Variants in FAAP20 observed in about 807,000 individuals in gnomAD.
FAAP20 encodes FA core complex associated protein 20, also known as Fanconi anemia core complex-associated protein 20.
A neutral mutation model predicts 16.2 loss-of-function variants in FAAP20; 12 were observed. That is an observed-to-expected ratio of 0.74 (90% CI 0.48 to 1.20). The LOEUF (loss-of-function observed/expected upper bound fraction) is 1.20. Among genes scored for constraint, FAAP20 ranks in the 50% most tolerant of loss-of-function variants. The probability of loss-of-function intolerance (pLI) is 0.00; values close to 1 mark genes in which losing one functional copy is unlikely to be tolerated. For missense variants in FAAP20, 288 were observed against 245.8 expected, an observed-to-expected ratio of 1.17 and a Z score of -1.15; for synonymous variants, 141 against 110.7, an observed-to-expected ratio of 1.27 and a Z score of -1.72.
upstream of FAAP20, chr1:2,198,402 G>C (rs752303783): frequency 8.8e-5 from 33 of 373,244 alleles, no homozygotes; most frequent in Non-Finnish European, 1.5e-4. Flanking sequence ...TCAGGCCCCA[G>C]CCCACTGAGC....
chr1:2,212,675 TAAGTTCCA>T, upstream of FAAP20: 1 of 285,202 alleles, frequency 3.5e-6, no homozygotes, highest in Non-Finnish European at 6.9e-6. Context: ...CAAAAGGGTG[TAAGTTCCA>T]AGAACGCGAG....
chr1:2,186,496 G>GC (rs59105760), downstream of FAAP20, among the ~76,000 whole-genome samples: 37,226 of 110,604 alleles, frequency 0.34, 6,016 homozygotes, highest in Admixed American at 0.36. Flanking sequence ...CTGGACACCC[G>GC]CCCCCCCCCG....
At position 2,194,013 on chromosome 1, in the gene FAAP20, G is replaced by C; in HGVS notation, c.183C>G (p.Pro61=). ...LILDHEVPSL[P]AFPGQEPRCG... is the part of the protein sequence containing the mutation. The stretch of plus-strand genomic sequence containing the variant: ...GTGGGCACACCTGTCCTGGGAAGGC[G>C]GGCAGTGAAGGCACCTCGTGATCCA... The change falls in exon 2 of 4, where the codon CCC becomes CCG. Residue 61 remains proline, a synonymous_variant. Transcript: ENST00000378546. The C allele has an allele frequency of 6.2e-7, 1 of 1,612,794 alleles. No homozygotes were observed.
upstream of FAAP20, among the ~76,000 whole-genome samples, chr1:2,197,718 T>C (rs1190756296): frequency 3.9e-5 from 6 of 152,234 alleles, no homozygotes; most frequent in African/African-American, 1.4e-4. Context: ...CCCTCCAGTT[T>C]ATCTGCTGCT....
downstream of FAAP20, chr1:2,186,048 G>C: frequency 2.2e-6 from 1 of 453,070 alleles, no homozygotes; most frequent in Non-Finnish European, 4.4e-6. Flanking sequence ...GCTTCCTAGA[G>C]GCAGGGCTGC....
chr1:2,190,688 G>C, intron 3 of FAAP20: 1 of 330,090 alleles, frequency 3.0e-6, no homozygotes, highest in Non-Finnish European at 6.1e-6. Flanking sequence ...CTTGGGCCTA[G>C]ATCTTGCTGG....
downstream of FAAP20, chr1:2,186,068 G>C: frequency 2.2e-6 from 1 of 454,206 alleles, no homozygotes; most frequent in South Asian, 1.6e-5. Flanking sequence ...CCAGCTGCCA[G>C]GTGTCAGGTG....
downstream of FAAP20, among the ~76,000 whole-genome samples, chr1:2,209,689 G>T (rs908780557): frequency 6.6e-6 from 1 of 152,216 alleles, no homozygotes; most frequent in Non-Finnish European, 1.5e-5. Flanking sequence ...AAGTTCAGGG[G>T]GGCTGCTTGG....
chr1:2,193,782 C>A lies in FAAP20; in HGVS notation c.327G>T (p.Gly109=). The A allele has an allele frequency of 6.3e-7, 1 of 1,595,252 alleles. No homozygotes were observed. Among genetic ancestry groups the A allele is most frequent in the Non-Finnish European group, 8.5e-7 (1 of 1,174,738 alleles). ...GGGACCTGGCGGGGGATTCCAGGTG[C>A]CCTCCTGCCCCGTGAAGCAGCCGGT... The part of the protein sequence containing the change: ...RSYRLLHGAG[G]HLESPARSLP... Residue 109 remains glycine (G), a synonymous_variant, in exon 3 of 4, where the codon GGG becomes GGT. Transcript: ENST00000378546.
chr1:2,191,861 C>G, intron 3 of FAAP20: 1 of 985,542 alleles, frequency 1.0e-6, no homozygotes, highest in Non-Finnish European at 1.2e-6. Context: ...CATCCACCCA[C>G]GTGACCCGCA....
intron 3 of FAAP20, 66 bp from the exon 4 acceptor site, chr1:2,189,847 T>C: frequency 7.9e-7 from 1 of 1,273,584 alleles, no homozygotes; most frequent in Non-Finnish European, 1.1e-6. Context: ...GAGCACCGTC[T>C]GGACCTCCGG....
chr1:2,190,101 G>T (rs1557775981), intron 3 of FAAP20: 2 of 548,408 alleles, frequency 3.6e-6, no homozygotes, highest in Non-Finnish European at 7.0e-6. Context: ...CGTGGAGCCC[G>T]GCAGACAGGC....
downstream of FAAP20, chr1:2,187,272 C>A: frequency 2.5e-6 from 1 of 399,344 alleles, no homozygotes; most frequent in African/African-American, 2.2e-5. Context: ...GCAAAGGTTT[C>A]TGAAGCCATT....
upstream of FAAP20, chr1:2,203,357 C>T: frequency 4.2e-6 from 4 of 941,702 alleles, no homozygotes; most frequent in Non-Finnish European, 2.5e-6. Flanking sequence ...TCTGGACACC[C>T]CTCCGCAGTC....
At chr1:2,195,294 TGGG>T (rs1301378193), upstream of FAAP20, among the ~76,000 whole-genome samples, 9 of 152,282 alleles carry the variant, frequency 5.9e-5, no homozygotes, top group Admixed American at 2.0e-4. Flanking sequence ...GCCAGGGCCC[TGGG>T]GGCAGCTGAG....
intron 3 of FAAP20, chr1:2,206,258 G>A (rs1181426265): frequency 7.9e-5 from 12 of 152,278 alleles, no homozygotes; most frequent in Non-Finnish European, 1.8e-4. Flanking sequence ...GCCATACGGG[G>A]TCCCCCTGTG....
upstream of FAAP20, among the ~76,000 whole-genome samples, chr1:2,195,614 GCTCCCTGGCT>G (rs1688784496): frequency 6.6e-6 from 1 of 152,202 alleles, no homozygotes; most frequent in South Asian, 2.1e-4. Context: ...CTCCTGCAGG[GCTCCCTGGCT>G]GTTCCTACCC....
downstream of FAAP20, chr1:2,184,515 G>A (rs370078851): frequency 4.3e-5 from 52 of 1,197,186 alleles, no homozygotes; most frequent in African/African-American, 6.2e-4. Context: ...TGAAGTGCGT[G>A]CAAAACACTC....
downstream of FAAP20, chr1:2,185,258 G>T: frequency 1.4e-6 from 1 of 714,836 alleles, no homozygotes; most frequent in Non-Finnish European, 2.6e-6. Flanking sequence ...GGATCCGCGG[G>T]GACCCTGCCG....
Sources: gnomAD v4.1 joint callset for allele counts (sites outside exome capture counted in the v4.1 genomes callset) on GRCh38, gnomAD v4.1.1 for gene constraint, MANE v1.5 for transcripts, NCBI Gene and HGNC (gene_info 2026-07-23, HGNC 2026-07-21) for gene names.